Variants in SASH1 observed in about 807,000 individuals in gnomAD.
SASH1 encodes SAM and SH3 domain-containing protein 1.
A neutral mutation model predicts 125.2 loss-of-function variants in SASH1; 44 were observed. The ratio of observed to expected loss-of-function variants is 0.35; its 90% CI spans 0.28 to 0.45. The LOEUF (loss-of-function observed/expected upper bound fraction) is 0.45. SASH1 is among the 20% of genes least tolerant of loss of function. The pLI is 1.00. For missense variants in SASH1, 1,426 were observed against 1,614.5 expected, an observed-to-expected ratio of 0.88 and a Z score of 2.00; for synonymous variants, 639 against 649.1, an observed-to-expected ratio of 0.98 and a Z score of 0.24.
intron 2 of SASH1, among the ~76,000 whole-genome samples, chr6:148,420,501 A>G (rs1785014095): frequency 6.6e-6 from 1 of 152,176 alleles, no homozygotes; most frequent in Admixed American, 6.5e-5. Context: ...CTGAAGATAC[A>G]CCAGTGAAGA....
At chr6:148,302,652 T>C (rs1779997776) in intron 1 of SASH1, among the ~76,000 whole-genome samples, 1 of 62,358 alleles carries the variant, frequency 1.6e-5, no homozygotes, top group Non-Finnish European at 3.3e-5. Context: ...TAGATGTGTG[T>C]GTATATATAT....
intron 1 of SASH1, among the ~76,000 whole-genome samples, chr6:148,371,008 C>T (rs1782683311): frequency 6.6e-6 from 1 of 152,132 alleles, no homozygotes; most frequent in Admixed American, 6.5e-5. Flanking sequence ...TTACCCAGTG[C>T]CTTGTGCTTA....
chr6:148,523,059 T>A (rs1291283387), intron 10 of SASH1, among the ~76,000 whole-genome samples: 1 of 152,238 alleles, frequency 6.6e-6, no homozygotes, highest in Non-Finnish European at 1.5e-5. Context: ...TAGAAATAAA[T>A]GCATACAATA....
the SASH1 span, among the ~76,000 whole-genome samples, chr6:148,196,589 T>C: frequency 1.3e-5 from 2 of 152,206 alleles, no homozygotes; most frequent in African/African-American, 2.4e-5. Flanking sequence ...ACCTGCCTCA[T>C]TGAAGCATCA....
At chr6:148,486,635 G>A (rs1057271241) in intron 7 of SASH1, among the ~76,000 whole-genome samples, 7 of 151,372 alleles carry the variant, frequency 4.6e-5, no homozygotes, top group Non-Finnish European at 8.8e-5. Context: ...CTGTTTCAGG[G>A]TCGGGTATGG....
chr6:148,304,311 T>A (rs1202056823), intron 1 of SASH1, among the ~76,000 whole-genome samples: 1 of 151,828 alleles, frequency 6.6e-6, no homozygotes, highest in Non-Finnish European at 1.5e-5. Context: ...GGTGGGCACC[T>A]GTAGTCCCAG....
At chr6:148,473,894 C>T (rs1276538895) in intron 6 of SASH1, among the ~76,000 whole-genome samples, 1 of 152,128 alleles carries the variant, frequency 6.6e-6, no homozygotes, top group Non-Finnish European at 1.5e-5. Flanking sequence ...TGGTGACACC[C>T]ACGTGTTCTG....
intron 1 of SASH1, among the ~76,000 whole-genome samples, chr6:148,334,715 G>A (rs1334028110): frequency 6.6e-6 from 1 of 151,712 alleles, no homozygotes; most frequent in Non-Finnish European, 1.5e-5. Context: ...GGGAGGCTGA[G>A]GCAGGAGAAT....
Position 148,414,994 on chromosome 6 carries a change from A to G in SASH1, c.285+24732A>G, listed in dbSNP as rs527318306. Among the ~76,000 whole-genome samples, 179 of 152,314 alleles carry G rather than the reference A, an allele frequency of 1.2e-3. 4 individuals carry two copies. Among genetic ancestry groups the G allele is most frequent in the Admixed American group, 1.0e-2 (153 of 15,308 alleles). On this transcript the variant is annotated intron_variant, in intron 2 of 19. Transcript: ENST00000367467. ...CCAGGAAGAGTTAATACATTTCTCA[A>G]GAGGGAATATTTTTAAAGTGCCAAG... is the stretch of plus-strand genomic sequence containing the variant.
At chr6:148,306,580 A>G (rs1256386081) in intron 1 of SASH1, among the ~76,000 whole-genome samples, 1 of 152,174 alleles carries the variant, frequency 6.6e-6, no homozygotes, top group Non-Finnish European at 1.5e-5. Flanking sequence ...TTGCTGTGGT[A>G]GGGGAGGCAT....
intron 1 of SASH1, among the ~76,000 whole-genome samples, chr6:148,385,202 A>T (rs1379315193): frequency 6.6e-6 from 1 of 152,148 alleles, no homozygotes; most frequent in Non-Finnish European, 1.5e-5. Flanking sequence ...AGTGGCTATT[A>T]TGGCATGTTG....
chr6:148,269,309 G>C (rs527353637), upstream of SASH1, among the ~76,000 whole-genome samples: 104 of 150,732 alleles, frequency 6.9e-4, 1 homozygote, highest in Non-Finnish European at 4.6e-4. Context: ...TTTTTTTTCT[G>C]GGATACGGTC....
At chr6:148,505,391 G>A (rs1356770365) in intron 8 of SASH1, among the ~76,000 whole-genome samples, 1 of 152,228 alleles carries the variant, frequency 6.6e-6, no homozygotes, top group African/African-American at 2.4e-5. Context: ...TCGGCTCAGT[G>A]CAGCCACTGC....
At chr6:148,332,021 CTT>C (rs934767516) in intron 1 of SASH1, among the ~76,000 whole-genome samples, 22 of 152,144 alleles carry the variant, frequency 1.4e-4, no homozygotes, top group South Asian at 8.3e-4. Flanking sequence ...TGCAGCCTCA[CTT>C]TGTTTATTTC....
intron 1 of SASH1, among the ~76,000 whole-genome samples, chr6:148,370,584 G>A (rs1395981902): frequency 6.6e-6 from 1 of 152,128 alleles, no homozygotes; most frequent in Non-Finnish European, 1.5e-5. Context: ...AGCACTTTGG[G>A]AAGCCAAGGT....
intron 1 of SASH1, among the ~76,000 whole-genome samples, chr6:148,320,034 G>A (rs562332238): frequency 6.6e-6 from 1 of 152,316 alleles, no homozygotes; most frequent in South Asian, 2.1e-4. Flanking sequence ...CAAAGTACAA[G>A]AGCAGTGATG....
chr6:148,512,563 CA>C (rs1417543799), intron 8 of SASH1: 2 of 984,990 alleles, frequency 2.0e-6, no homozygotes, highest in African/African-American at 3.5e-5. Flanking sequence ...ACAATCCAAC[CA>C]AGTAGAAATG....
chr6:148,208,088 G>C, the SASH1 span, among the ~76,000 whole-genome samples: 39 of 152,210 alleles, frequency 2.6e-4, no homozygotes, highest in South Asian at 1.0e-3. Context: ...TTCCTCATCA[G>C]CTGAGCCCCC....
intron 17 of SASH1, among the ~76,000 whole-genome samples, chr6:148,540,835 T>C (rs577579616): frequency 2.0e-5 from 3 of 152,252 alleles, no homozygotes; most frequent in African/African-American, 7.2e-5. Flanking sequence ...CATTGGAGTG[T>C]TGGGAGCTAT....
Sources: allele counts gnomAD v4.1 joint callset (sites outside exome capture counted in the v4.1 genomes callset), GRCh38; gene constraint gnomAD v4.1.1; transcripts MANE v1.5; gene names NCBI Gene and HGNC (gene_info 2026-07-23, HGNC 2026-07-21).